Variants in GPD2 observed in about 807,000 individuals in gnomAD.
GPD2 encodes glycerol-3-phosphate dehydrogenase 2.
Under a neutral mutation model 82.4 loss-of-function variants are expected in GPD2, and 54 were observed. That is an observed-to-expected ratio of 0.66 (90% CI 0.53 to 0.82). The LOEUF (loss-of-function observed/expected upper bound fraction) is 0.82, where lower values mean the gene tolerates loss of function less well. Ranked by LOEUF, GPD2 falls within the 40% of genes least tolerant of loss-of-function variation. The pLI, the probability that GPD2 is intolerant of heterozygous loss-of-function variation, is 0.00. For missense variants in GPD2, 748 were observed against 896.2 expected (o/e 0.83, Z 2.11); for synonymous variants, 288 against 306.1 (o/e 0.94, Z 0.62).
intron 13 of GPD2, among the ~76,000 whole-genome samples, chr2:156,577,787 G>T (rs1687879286): frequency 6.6e-6 from 1 of 152,166 alleles, no homozygotes; most frequent in Admixed American, 6.5e-5. Context: ...TTACATGAAG[G>T]CTGCGTGTTA....
intron 13 of GPD2, among the ~76,000 whole-genome samples, chr2:156,576,249 A>G (rs1215968620): frequency 6.6e-6 from 1 of 152,196 alleles, no homozygotes; most frequent in Non-Finnish European, 1.5e-5. Flanking sequence ...GATGATGCTG[A>G]TAGTTACTCC....
chr2:156,532,581 A>G (rs1268792660), intron 6 of GPD2, among the ~76,000 whole-genome samples: 2 of 152,200 alleles, frequency 1.3e-5, no homozygotes, highest in African/African-American at 4.8e-5. Flanking sequence ...ATTTTTCACA[A>G]ATATTGAACT....
At chr2:156,522,681 A>G (rs1045298601) in intron 6 of GPD2, among the ~76,000 whole-genome samples, 1 of 105,922 alleles carries the variant, frequency 9.4e-6, no homozygotes, top group Non-Finnish European at 2.0e-5. Context: ...TGGTTTTTTA[A>G]GCTTTTTTTT....
chr2:156,438,763 T>C (rs1453320735), intron 1 of GPD2, among the ~76,000 whole-genome samples: 1 of 152,212 alleles, frequency 6.6e-6, no homozygotes, highest in Non-Finnish European at 1.5e-5. Context: ...TCTGTATTCT[T>C]GTGCAGCATT....
At chr2:156,402,765 C>T in the GPD2 span, among the ~76,000 whole-genome samples, 9 of 152,250 alleles carry the variant, frequency 5.9e-5, no homozygotes, top group African/African-American at 2.2e-4. Context: ...ATCCTCCCTG[C>T]TCTGTCTCCC....
intron 8 of GPD2, among the ~76,000 whole-genome samples, chr2:156,553,414 G>C (rs765374402): frequency 6.6e-6 from 1 of 151,988 alleles, no homozygotes; most frequent in Non-Finnish European, 1.5e-5. Flanking sequence ...TAACATTTAT[G>C]AGATTTTTTA....
intron 13 of GPD2, among the ~76,000 whole-genome samples, chr2:156,572,964 A>G (rs1687693912): frequency 6.6e-6 from 1 of 152,176 alleles, no homozygotes; most frequent in Non-Finnish European, 1.5e-5. Context: ...TAGTTTATAG[A>G]CAAACATTGT....
At chr2:156,484,978 T>C (rs1042130656) in intron 2 of GPD2, among the ~76,000 whole-genome samples, 3 of 152,244 alleles carry the variant, frequency 2.0e-5, no homozygotes, top group Non-Finnish European at 4.4e-5. Flanking sequence ...TGAGTTCGAC[T>C]ATTTTAACTC....
At chr2:156,532,306 C>T (rs1685897673) in intron 6 of GPD2, among the ~76,000 whole-genome samples, 1 of 152,048 alleles carries the variant, frequency 6.6e-6, no homozygotes, top group African/African-American at 2.4e-5. Flanking sequence ...TGCATCCAGC[C>T]CCCAGATTTT....
At chr2:156,495,898 T>G (rs1372413602) in intron 2 of GPD2, 146 bp from the exon 3 acceptor site, 1 of 640,574 alleles carries the variant, frequency 1.6e-6, no homozygotes, top group East Asian at 2.8e-5. Context: ...CCCAAGGCAG[T>G]TGGTCCTATA....
At chr2:156,441,128 G>A (rs1440979831) in intron 1 of GPD2, among the ~76,000 whole-genome samples, 1 of 152,198 alleles carries the variant, frequency 6.6e-6, no homozygotes, top group Non-Finnish European at 1.5e-5. Flanking sequence ...TTCTGAGTTG[G>A]TGAATACATG....
In GPD2 at chr2:156,436,495, G is replaced by T. The variant is rs2105129752; in HGVS notation, c.-27G>T. ...GTGCTCCTGCCCGCTGGCCCCTCGC[G>T]CGTGAGGATCTATCTCAGGTGTGTG... On this transcript the variant is annotated 5_prime_UTR_variant, in exon 1 of 17. Coordinates refer to ENST00000438166, the MANE Select transcript of GPD2 (RefSeq NM_000408.5). The T allele has an allele frequency of 6.6e-6, 1 of 152,480 alleles. No homozygotes were observed. Among genetic ancestry groups the T allele is most frequent in the Middle Eastern group, 3.4e-3 (1 of 296 alleles). 9.4% of individuals were successfully genotyped at this position (152,480 alleles called of 1,614,324 possible).
chr2:156,509,268 T>C (rs1684897734), intron 3 of GPD2, among the ~76,000 whole-genome samples: 1 of 152,226 alleles, frequency 6.6e-6, no homozygotes, highest in Non-Finnish European at 1.5e-5. Context: ...AGCTTCTAAA[T>C]ATTTTGTCCT....
chr2:156,410,262 G>T, the GPD2 span, among the ~76,000 whole-genome samples: 1 of 152,140 alleles, frequency 6.6e-6, no homozygotes, highest in Non-Finnish European at 1.5e-5. Context: ...TGAGTTTCTA[G>T]AATAATTCCT....
In GPD2 at chr2:156,557,535, A is replaced by C. The variant is rs1687008634; in HGVS notation, c.1118A>C (p.Asn373Thr). 1 of 1,603,808 alleles carries C rather than the reference A, an allele frequency of 6.2e-7. No individual in the cohort carries two copies. The highest frequency in any genetic ancestry group is 1.3e-5 in the African/African-American group (1 of 74,692). The change falls in exon 9 of 17, where the codon AAC (asparagine) becomes ACC (threonine). Residue 373 changes from asparagine (N) to threonine (T), a missense_variant. By Grantham distance (65) the Asn-to-Thr change is moderately conservative. Around this residue, in one of 3 missense-constraint regions of GPD2, gnomAD observed 692 missense variants for 809.7 expected, o/e 0.85. Coordinates refer to ENST00000438166, the MANE Select transcript of GPD2 (RefSeq NM_000408.5). ...HHPIPSEEDI[N>T]FILNEVRNYL... Reference sequence around the variant, plus strand: ...CCAATTCCTTCAGAAGAAGATATCAACTTCATTTTGAATGAAGTGCGTAAT... The same window carrying C: ...CCAATTCCTTCAGAAGAAGATATCACCTTCATTTTGAATGAAGTGCGTAAT...
At chr2:156,456,575 A>T (rs896961617) in intron 1 of GPD2, among the ~76,000 whole-genome samples, 1 of 151,914 alleles carries the variant, frequency 6.6e-6, no homozygotes, top group Non-Finnish European at 1.5e-5. Context: ...CAGCCTGGGC[A>T]ACGGAGTGCG....
chr2:156,566,583 G>T (rs1044384800), intron 9 of GPD2, among the ~76,000 whole-genome samples: 1 of 152,084 alleles, frequency 6.6e-6, no homozygotes, highest in Non-Finnish European at 1.5e-5. Context: ...ATAGTTCGTT[G>T]TAAGTGTATG....
chr2:156,541,327 A>G (rs2017539), intron 6 of GPD2, among the ~76,000 whole-genome samples: 108,788 of 152,040 alleles, frequency 0.72, 39,013 homozygotes, highest in Middle Eastern at 0.83. Context: ...GCAGAGGAAG[A>G]AGAAAGGAAG....
chr2:156,526,388 T>C lies in GPD2; in HGVS notation c.661+12892T>C, dbSNP rs533386005. ...ATTATGTAAAATATGCTGTGATTTG[T>C]TCAAATTTGCTAAAATCTGGTTCAT... On this transcript the variant is annotated intron_variant, in intron 6 of 16. Transcript: ENST00000438166. Among the ~76,000 whole-genome samples, 16 of 152,280 alleles carry C rather than the reference T, an allele frequency of 1.1e-4. No homozygotes were observed. The South Asian group carries it at 3.3e-3, about 32-fold the overall frequency.
Sources: gnomAD v4.1 joint callset for allele counts (sites outside exome capture counted in the v4.1 genomes callset) on GRCh38, gnomAD v4.1.1 for gene constraint, gnomAD v4.1.1 regional missense constraint, MANE v1.5 for transcripts, NCBI Gene and HGNC (gene_info 2026-07-23, HGNC 2026-07-21) for gene names.